The following CCDC38 variants were observed in gnomAD, a reference collection of about 807,000 sequenced individuals.
CCDC38 encodes the protein coiled-coil domain containing 38, also known as coiled-coil domain-containing protein 38.
In CCDC38, 69 loss-of-function variants were observed where a neutral mutation model predicts 72.8. The ratio of observed to expected loss-of-function variants is 0.95; its 90% CI spans 0.78 to 1.16. CCDC38 has a LOEUF of 1.16. CCDC38 is among the 50% of genes most tolerant of loss of function. The probability of loss-of-function intolerance (pLI) is 0.00; values close to 1 mark genes in which losing one functional copy is unlikely to be tolerated. For synonymous variants in CCDC38, 201 were observed against 213.2 expected, an observed-to-expected ratio of 0.94 and a Z score of 0.50; for missense variants, 626 against 638.9, an observed-to-expected ratio of 0.98 and a Z score of 0.22.
chr12:95,931,403 TC>T (rs2080337911), intron 2 of CCDC38, among the ~76,000 whole-genome samples: 1 of 152,216 alleles, frequency 6.6e-6, no homozygotes, highest in Non-Finnish European at 1.5e-5. Flanking sequence ...ATTTGCAAAG[TC>T]CCTTTTGCCA....
At chr12:95,872,183 T>G (rs2079587420) in intron 14 of CCDC38, 72 bp downstream of exon 14, 2 of 1,351,850 alleles carry the variant, frequency 1.5e-6, no homozygotes, top group Admixed American at 3.5e-5. Flanking sequence ...CACAAGAGAC[T>G]TGCTAATGTG....
intron 8 of CCDC38, among the ~76,000 whole-genome samples, chr12:95,894,423 A>T (rs1292580669): frequency 6.6e-6 from 1 of 152,078 alleles, no homozygotes; most frequent in Non-Finnish European, 1.5e-5. Context: ...CTACACTCCA[A>T]ATCTCATGTT....
Position 95,887,912 on chromosome 12 carries a change from C to T in CCDC38, c.920+546G>A, listed in dbSNP as rs778950969. 3.9e-5 allele frequency among the ~76,000 whole-genome samples: 6 copies of T among 152,224 alleles called. No homozygotes were observed. In the East Asian group the frequency reaches 7.7e-4, roughly 20 times the overall value. Reference sequence around the variant, plus strand: ...CCTAGAATTCACAGCAAAATGTTTCCGTTTCTCTCAGTGATTGTCATGATA... The same window carrying T: ...CCTAGAATTCACAGCAAAATGTTTCTGTTTCTCTCAGTGATTGTCATGATA... On this transcript the variant is annotated intron_variant, in intron 10 of 15. Coordinates refer to ENST00000344280, the MANE Select transcript of CCDC38 (RefSeq NM_182496.3).
At chr12:95,913,176 C>T (rs1315774539) in intron 4 of CCDC38, among the ~76,000 whole-genome samples, 1 of 152,228 alleles carries the variant, frequency 6.6e-6, no homozygotes, top group Non-Finnish European at 1.5e-5. Context: ...TCCTGGGTCA[C>T]TTTTGACCTT....
At chr12:95,907,711 C>G (rs1438278880) in intron 4 of CCDC38, among the ~76,000 whole-genome samples, 2 of 147,886 alleles carry the variant, frequency 1.4e-5, no homozygotes, top group African/African-American at 2.5e-5. Flanking sequence ...GGAGGGGCTC[C>G]TCACTTCTCA....
chr12:95,910,630 G>T (rs978692051), intron 4 of CCDC38, among the ~76,000 whole-genome samples: 2 of 152,220 alleles, frequency 1.3e-5, no homozygotes, highest in African/African-American at 4.8e-5. Context: ...GAAAGGCCAA[G>T]GTGGGAGGAT....
intron 13 of CCDC38, among the ~76,000 whole-genome samples, chr12:95,877,240 T>G (rs1175348893): frequency 6.6e-6 from 1 of 152,196 alleles, no homozygotes; most frequent in Non-Finnish European, 1.5e-5. Context: ...GACTCAGACC[T>G]TCGTTATAGA....
chr12:95,905,376 T>A (rs182148917), intron 5 of CCDC38, among the ~76,000 whole-genome samples: 26 of 152,316 alleles, frequency 1.7e-4, no homozygotes, highest in Admixed American at 1.7e-3. Context: ...AATCCTAGTG[T>A]ATCTGTCAAG....
chr12:95,888,105 A>G (rs1365814671), intron 10 of CCDC38, among the ~76,000 whole-genome samples: 1 of 152,186 alleles, frequency 6.6e-6, no homozygotes, highest in Non-Finnish European at 1.5e-5. Flanking sequence ...AACAACAACA[A>G]AAAAATACTT....
chr12:95,882,706 C>T (rs556656352), intron 10 of CCDC38, among the ~76,000 whole-genome samples: 50 of 152,284 alleles, frequency 3.3e-4, no homozygotes, highest in African/African-American at 1.2e-3. Context: ...TGGGGCTCCT[C>T]CTCAGTCTTC....
In CCDC38 at chr12:95,898,399, T is replaced by C. The variant is rs1181764673; in HGVS notation, c.600A>G (p.Val200=). 3 of 1,614,116 alleles carry C rather than the reference T, an allele frequency of 1.9e-6. No individual in the cohort carries two copies. The highest frequency in any genetic ancestry group is 2.5e-6 in the Non-Finnish European group (3 of 1,180,042). Reference sequence around the variant, plus strand: ...CCCACCCTCACCTTTTCACTGCTTGTACCTCCATGCTTGCTTTCTTCAGCT... The same window carrying C: ...CCCACCCTCACCTTTTCACTGCTTGCACCTCCATGCTTGCTTTCTTCAGCT... ...TAELKKASME[V]QAVKSEIAKT... is the part of the protein sequence containing the mutation. The change falls in exon 7 of 16, where the codon GTA becomes GTG. Residue 200 remains valine, a synonymous_variant. Transcript: ENST00000344280.
chr12:95,875,006 A>G (rs951288954), intron 13 of CCDC38, among the ~76,000 whole-genome samples: 1 of 152,222 alleles, frequency 6.6e-6, no homozygotes, highest in African/African-American at 2.4e-5. Flanking sequence ...CACATTCCTC[A>G]CATTGAACAG....
rs930475914 is a variant in CCDC38, at chr12:95,906,312, T to C, written c.369+75A>G. 1.7e-5 allele frequency: 19 copies of C among 1,087,956 alleles called. No individual in the cohort carries two copies. In the African/African-American group the frequency reaches 2.8e-4, roughly 16 times the overall value. The allele number at this position is 1,087,956 out of a possible 1,614,324, so 67.4% of individuals were successfully genotyped here. ...TGGGACATGTAATAGACAAGCAAAA[T>C]GTCAAGGTAAATATTTGAAAACACT... On this transcript the variant is annotated intron_variant, in intron 5 of 15. Transcript: ENST00000344280.
chr12:95,936,588 TCAACTGC>T, intron 1 of CCDC38, 65 bp from the exon 2 acceptor site: 1 of 1,344,024 alleles, frequency 7.4e-7, no homozygotes, highest in Non-Finnish European at 1.1e-6. Flanking sequence ...AGGGCTAAAT[TCAACTGC>T]CAATGACTCC....
intron 10 of CCDC38, among the ~76,000 whole-genome samples, chr12:95,881,986 A>G (rs1169453488): frequency 6.6e-6 from 1 of 152,232 alleles, no homozygotes; most frequent in Non-Finnish European, 1.5e-5. Context: ...TCCCCAAGTA[A>G]GGCAATGCTT....
upstream of CCDC38, chr12:95,943,014 G>T (rs879797440): frequency 9.4e-5 from 16 of 170,660 alleles, no homozygotes; most frequent in Admixed American, 1.0e-3. Context: ...CACTCCGGGT[G>T]CCCTCACCCA....
At chr12:95,905,421 C>T (rs1322623793) in intron 5 of CCDC38, among the ~76,000 whole-genome samples, 5 of 152,200 alleles carry the variant, frequency 3.3e-5, no homozygotes, top group African/African-American at 1.2e-4. Context: ...TCAGTTATGT[C>T]AGTAGGACTT....
At chr12:95,871,874 A>G (rs1370977326) in intron 14 of CCDC38, among the ~76,000 whole-genome samples, 1 of 151,992 alleles carries the variant, frequency 6.6e-6, no homozygotes, top group East Asian at 1.9e-4. Flanking sequence ...CACCAGTGCA[A>G]TTCTCCTTCC....
At chr12:95,929,411 A>G (rs2080311919) in intron 2 of CCDC38, among the ~76,000 whole-genome samples, 1 of 152,142 alleles carries the variant, frequency 6.6e-6, no homozygotes, top group African/African-American at 2.4e-5. Flanking sequence ...TGCACTGTGC[A>G]TGCACCCACT....
Sources: allele counts gnomAD v4.1 joint callset (sites outside exome capture counted in the v4.1 genomes callset), GRCh38; gene constraint gnomAD v4.1.1; transcripts MANE v1.5; gene names NCBI Gene and HGNC (gene_info 2026-07-23, HGNC 2026-07-21).